Variants in CLIP1 observed in about 807,000 individuals in gnomAD.
CLIP1 encodes CAP-Gly domain containing linker protein 1.
A neutral mutation model predicts 161.6 loss-of-function variants in CLIP1; 66 were observed. That is an observed-to-expected ratio of 0.41 (90% CI 0.33 to 0.50). CLIP1 has a LOEUF of 0.50. CLIP1 is among the 20% of genes least tolerant of loss of function. CLIP1 has a pLI of 0.27. For missense variants in CLIP1, 1,376 were observed against 1,702.0 expected, an observed-to-expected ratio of 0.81 and a Z score of 3.37; for synonymous variants, 598 against 626.2, an observed-to-expected ratio of 0.96 and a Z score of 0.67.
intron 7 of CLIP1, 121 bp downstream of exon 7, chr12:122,354,332 T>C (rs1593142034): frequency 1.6e-6 from 1 of 612,930 alleles, no homozygotes; most frequent in Non-Finnish European, 2.9e-6. Context: ...GAGGCAGAGG[T>C]TGTAGTGAGC....
chr12:122,351,934 TCTG>T (rs1329229645), intron 8 of CLIP1, among the ~76,000 whole-genome samples: 4 of 152,214 alleles, frequency 2.6e-5, no homozygotes, highest in Non-Finnish European at 5.9e-5. Flanking sequence ...TAGTTTTTGC[TCTG>T]CTAATTACTT....
rs75706172 is a variant in CLIP1 at position 122,356,406 on chromosome 12, T to A, written c.1006-1094A>T. ...TTGTCCTACAGTCCTTTCAATAACA[T>A]CATGTACTTTCAAAGCTGGGTTTTG... On this transcript the variant is annotated intron_variant, in intron 5 of 25. Coordinates refer to ENST00000620786, the MANE Select transcript of CLIP1 (RefSeq NM_001247997.2). 4.9e-3 allele frequency among the ~76,000 whole-genome samples: 741 copies of A among 152,218 alleles called. 3 individuals are homozygous for A. The highest frequency in any genetic ancestry group is 8.1e-3 in the Non-Finnish European group (550 of 67,998).
At position 122,420,007 on chromosome 12, in the gene CLIP1, G is replaced by C. The variant is rs886805296; in HGVS notation, c.-107+2514C>G. 3.3e-5 allele frequency among the ~76,000 whole-genome samples: 5 copies of C among 149,942 alleles called. No individual in the cohort carries two copies. In the East Asian group the frequency reaches 5.9e-4, roughly 18 times the overall value. On this transcript the variant is annotated intron_variant, in intron 1 of 25. Transcript: ENST00000620786. ...CTTATGAGTCACATGGGATGTGACA[G>C]AGTGAATTTTAGCCACTAGGTAAAA... is the stretch of plus-strand genomic sequence containing the variant.
At chr12:122,392,979 G>C (rs980303296) in intron 1 of CLIP1, among the ~76,000 whole-genome samples, 34 of 151,854 alleles carry the variant, frequency 2.2e-4, no homozygotes, top group African/African-American at 7.0e-4. Context: ...ACAGGGTTTC[G>C]CTATGTTGGC....
At chr12:122,290,358 T>G (rs1347324752) in intron 20 of CLIP1, among the ~76,000 whole-genome samples, 1 of 152,064 alleles carries the variant, frequency 6.6e-6, no homozygotes, top group Non-Finnish European at 1.5e-5. Context: ...ATTTAGAAAT[T>G]TTTAGAATGA....
At chr12:122,328,670 C>T (rs1157537843) in intron 15 of CLIP1, among the ~76,000 whole-genome samples, 5 of 152,132 alleles carry the variant, frequency 3.3e-5, no homozygotes, top group African/African-American at 9.7e-5. Context: ...CTGCAAGCTC[C>T]GCCTCCCGGG....
chr12:122,398,840 T>C (rs1173699767), intron 1 of CLIP1, among the ~76,000 whole-genome samples: 2 of 151,214 alleles, frequency 1.3e-5, no homozygotes, highest in East Asian at 1.9e-4. Flanking sequence ...CAAGACTTTA[T>C]CTCTAAAATC....
intron 1 of CLIP1, among the ~76,000 whole-genome samples, chr12:122,405,609 C>T (rs1437569272): frequency 2.7e-5 from 4 of 146,576 alleles, no homozygotes; most frequent in East Asian, 2.0e-4. Context: ...GCCAACATGG[C>T]AAAACCCCAT....
chr12:122,316,913 T>C, intron 18 of CLIP1, 58 bp from the exon 19 acceptor site: 1 of 1,028,968 alleles, frequency 9.7e-7, no homozygotes. Flanking sequence ...GTGACATGAA[T>C]GAACAAATTA....
At chr12:122,273,951 C>T (rs1391403646) in intron 25 of CLIP1, 87 bp downstream of exon 25, 7 of 1,169,616 alleles carry the variant, frequency 6.0e-6, no homozygotes, top group South Asian at 2.6e-5. Context: ...AGGCTGGTCT[C>T]GAACTCCTGA....
intron 1 of CLIP1, among the ~76,000 whole-genome samples, chr12:122,412,060 CTTTTT>C (rs71082989): frequency 1.2e-5 from 1 of 81,596 alleles, no homozygotes. Context: ...CAGTTATTTT[CTTTTT>C]TTTTTTTTTT....
chr12:122,327,925 G>A (rs755333118), intron 17 of CLIP1, 22 bp downstream of exon 17: 1 of 1,610,076 alleles, frequency 6.2e-7, no homozygotes, highest in South Asian at 1.1e-5. Flanking sequence ...ACAACACAAG[G>A]AAATTCTCTC....
chr12:122,337,669 G>GT (rs1473337330), intron 11 of CLIP1, among the ~76,000 whole-genome samples: 1 of 152,076 alleles, frequency 6.6e-6, no homozygotes, highest in Non-Finnish European at 1.5e-5. Flanking sequence ...AAAGCAGAAG[G>GT]TGTGGATGCT....
At chr12:122,402,977 T>C (rs749731507) in intron 1 of CLIP1, among the ~76,000 whole-genome samples, 1 of 152,168 alleles carries the variant, frequency 6.6e-6, no homozygotes, top group Non-Finnish European at 1.5e-5. Flanking sequence ...ATTATGTGGC[T>C]CGTGGCTACT....
chr12:122,394,360 G>C (rs946475124), intron 1 of CLIP1, among the ~76,000 whole-genome samples: 1 of 151,666 alleles, frequency 6.6e-6, no homozygotes, highest in Non-Finnish European at 1.5e-5. Flanking sequence ...GTGGTGGCAC[G>C]TGCCTATAAT....
intron 19 of CLIP1, among the ~76,000 whole-genome samples, chr12:122,314,484 T>C (rs1286393361): frequency 6.6e-6 from 1 of 151,570 alleles, no homozygotes; most frequent in African/African-American, 2.4e-5. Context: ...AACAAACAAA[T>C]AAAAACAACA....
intron 1 of CLIP1, among the ~76,000 whole-genome samples, chr12:122,385,377 C>A (rs1391483184): frequency 1.3e-5 from 2 of 152,186 alleles, no homozygotes; most frequent in Non-Finnish European, 2.9e-5. Flanking sequence ...AGCGACGACA[C>A]TGGATGCTCA....
intron 15 of CLIP1, among the ~76,000 whole-genome samples, chr12:122,330,469 T>G (rs572873435): frequency 1.3e-5 from 2 of 152,272 alleles, no homozygotes; most frequent in South Asian, 4.1e-4. Context: ...AATGTTTGCC[T>G]TATAAATTCT....
Position 122,366,436 on chromosome 12 carries a change from C to T in CLIP1, c.658-2329G>A, listed in dbSNP as rs554158685. Among the ~76,000 whole-genome samples the T allele has an allele frequency of 1.7e-3, 260 of 152,152 alleles. 3 individuals are homozygous for T. Among genetic ancestry groups the T allele is most frequent in the African/African-American group, 6.0e-3 (248 of 41,500 alleles). On this transcript the variant is annotated intron_variant, in intron 3 of 25. Coordinates refer to ENST00000620786, the MANE Select transcript of CLIP1 (RefSeq NM_001247997.2). Reference sequence around the variant, plus strand: ...CCAAGGCTGCAGTGAGCCATGATCACACCACTGCACTACAGCCTGGGCAAT... The same window carrying T: ...CCAAGGCTGCAGTGAGCCATGATCATACCACTGCACTACAGCCTGGGCAAT...
Sources: gnomAD v4.1 joint callset for allele counts (sites outside exome capture counted in the v4.1 genomes callset) on GRCh38, gnomAD v4.1.1 for gene constraint, MANE v1.5 for transcripts, NCBI Gene and HGNC (gene_info 2026-07-23, HGNC 2026-07-21) for gene names.